The following UBR1 variants were observed in gnomAD, a reference collection of about 807,000 sequenced individuals.
UBR1 encodes the protein ubiquitin protein ligase E3 component n-recognin 1.
In UBR1, 102 loss-of-function variants were observed where a neutral mutation model predicts 242.1. The ratio of observed to expected loss-of-function variants is 0.42; its 90% CI spans 0.36 to 0.50. The LOEUF (loss-of-function observed/expected upper bound fraction) is 0.50, where lower values mean the gene tolerates loss of function less well. Among genes scored for constraint, UBR1 ranks in the 20% least tolerant of loss-of-function variants. UBR1 has a pLI of 0.01. For synonymous variants in UBR1, 675 were observed against 684.8 expected (o/e 0.99, Z 0.22); for missense variants, 1,772 against 2,101.8 (o/e 0.84, Z 3.07).
intron 16 of UBR1, 34 bp from the exon 17 acceptor site, chr15:43,037,917 C>T: frequency 6.3e-7 from 1 of 1,578,352 alleles, no homozygotes; most frequent in Non-Finnish European, 8.7e-7. Flanking sequence ...TATCATTTCT[C>T]ACAGAGCTTA....
At chr15:43,005,767 G>C (rs541670029) in intron 30 of UBR1, among the ~76,000 whole-genome samples, 8 of 151,886 alleles carry the variant, frequency 5.3e-5, no homozygotes, top group African/African-American at 1.9e-4. Flanking sequence ...GCCTTGGGAT[G>C]CTGTTAATCT....
chr15:43,090,942 A>T (rs925442201), intron 1 of UBR1, among the ~76,000 whole-genome samples: 148 of 152,120 alleles, frequency 9.7e-4, no homozygotes, highest in African/African-American at 3.5e-3. Context: ...TTATTTATTT[A>T]TTTTTATTTT....
At chr15:42,979,262 C>A (rs1365984631) in intron 37 of UBR1, among the ~76,000 whole-genome samples, 1 of 149,168 alleles carries the variant, frequency 6.7e-6, no homozygotes, top group African/African-American at 2.5e-5. Context: ...CAGGCTCGAA[C>A]TTCTGACCTC....
chr15:43,003,690 T>C (rs1270152263), intron 31 of UBR1, 147 bp downstream of exon 31: 2 of 804,318 alleles, frequency 2.5e-6, no homozygotes, highest in Non-Finnish European at 4.1e-6. Flanking sequence ...TAATAATTCA[T>C]GCAAACAGAA....
Position 42,944,777 on chromosome 15 carries a change from G to C in UBR1, c.*552C>G, listed in dbSNP as rs60683257. 5.9e-6 allele frequency: 1 copy of C among 168,522 alleles called. No individual in the cohort carries two copies. Among genetic ancestry groups the C allele is most frequent in the East Asian group, 1.7e-4 (1 of 5,828 alleles). The allele number at this position is 168,522 out of a possible 1,614,324, so 10.4% of individuals were successfully genotyped here. On this transcript the variant is annotated 3_prime_UTR_variant, in exon 47 of 47. Coordinates refer to ENST00000290650, the MANE Select transcript of UBR1 (RefSeq NM_174916.3). The stretch of plus-strand genomic sequence containing the variant: ...TCCACATAGAGATTGAGTTTAATTT[G>C]TGGTGATAGCAGCAGGTGGCACATT...
chr15:43,096,231 T>A (rs1053113102), intron 1 of UBR1, among the ~76,000 whole-genome samples: 4 of 151,452 alleles, frequency 2.6e-5, no homozygotes, highest in African/African-American at 7.3e-5. Flanking sequence ...TGGAGTGCAG[T>A]GGCACGATCT....
chr15:43,015,830 C>T lies in UBR1; in HGVS notation c.3067G>A (p.Ala1023Thr). 6.2e-7 allele frequency: 1 copy of T among 1,614,062 alleles called. No individual in the cohort carries two copies. Among genetic ancestry groups the T allele is most frequent in the Non-Finnish European group, 8.5e-7 (1 of 1,180,004 alleles). The change falls in exon 29 of 47, where the codon GCT becomes ACT. Residue 1023 changes from alanine to threonine, a missense_variant. By Grantham distance (58) the Ala-to-Thr change is moderately conservative. Transcript: ENST00000290650. ...DKEKAERKRK[A>T]EAARLHRQKI... ...TGGCGATGTAGCCTAGCAGCTTCAG[C>T]TTTTCTTTTTCGTTCTGCTTTTTCT...
intron 3 of UBR1, among the ~76,000 whole-genome samples, chr15:43,078,413 A>T (rs1367202535): frequency 6.6e-6 from 1 of 152,192 alleles, no homozygotes; most frequent in Non-Finnish European, 1.5e-5. Flanking sequence ...CAAAAAAAGA[A>T]ATTACACAGA....
At chr15:43,097,743 C>A (rs760839813) in intron 1 of UBR1, among the ~76,000 whole-genome samples, 2 of 152,202 alleles carry the variant, frequency 1.3e-5, no homozygotes, top group Non-Finnish European at 2.9e-5. Flanking sequence ...TCTCAGCCTT[C>A]GGAGAACTGA....
intron 41 of UBR1, 44 bp downstream of exon 41, chr15:42,966,109 A>C (rs368985107): frequency 9.0e-5 from 145 of 1,613,848 alleles, no homozygotes; most frequent in Non-Finnish European, 9.9e-5. Flanking sequence ...AAGAACAAAG[A>C]AAATCTCCCA....
intron 5 of UBR1, among the ~76,000 whole-genome samples, chr15:43,068,577 T>C (rs2033784414): frequency 6.6e-6 from 1 of 152,076 alleles, no homozygotes; most frequent in African/African-American, 2.4e-5. Context: ...CAATTTTTCA[T>C]ATTACTTTCA....
At chr15:43,036,139 T>A in intron 19 of UBR1, 39 bp downstream of exon 19, 1 of 1,460,334 alleles carries the variant, frequency 6.8e-7, no homozygotes, top group Non-Finnish European at 9.6e-7. Context: ...TAACAATATT[T>A]CCTTTAAAAT....
At chr15:43,098,753 G>A (rs2034190637) in intron 1 of UBR1, among the ~76,000 whole-genome samples, 1 of 151,976 alleles carries the variant, frequency 6.6e-6, no homozygotes, top group South Asian at 2.1e-4. Flanking sequence ...TATAGAATCT[G>A]GCATTAAAAA....
intron 1 of UBR1, among the ~76,000 whole-genome samples, chr15:43,089,207 T>C (rs1387344969): frequency 3.0e-5 from 4 of 133,654 alleles, no homozygotes; most frequent in Admixed American, 7.7e-5. Flanking sequence ...TTAAAAATGA[T>C]GCTGGCTGGG....
chr15:42,979,967 TTAAC>T (rs1567114400), intron 37 of UBR1, among the ~76,000 whole-genome samples: 1 of 152,224 alleles, frequency 6.6e-6, no homozygotes, highest in Non-Finnish European at 1.5e-5. Context: ...GGCTCTGACA[TTAAC>T]TAGCTATGTG....
At chr15:43,058,509 G>A in intron 9 of UBR1, 80 bp from the exon 10 acceptor site, 1 of 876,786 alleles carries the variant, frequency 1.1e-6, no homozygotes, top group South Asian at 1.5e-5. Context: ...CTATTAGAGT[G>A]GCAGAATATT....
intron 2 of UBR1, among the ~76,000 whole-genome samples, chr15:43,084,900 C>G (rs1004482563): frequency 1.3e-5 from 2 of 152,232 alleles, no homozygotes; most frequent in Non-Finnish European, 2.9e-5. Flanking sequence ...AAACTTTACA[C>G]TCCTAACCTA....
At chr15:43,086,394 T>G (rs1296989985) in intron 1 of UBR1, among the ~76,000 whole-genome samples, 154 bp from the exon 2 acceptor site, 1 of 142,844 alleles carries the variant, frequency 7.0e-6, no homozygotes, top group Non-Finnish European at 1.5e-5. Flanking sequence ...ATTAAAAAAA[T>G]TAAGCTTGGA....
At chr15:43,030,540 T>C (rs2033241938) in intron 20 of UBR1, among the ~76,000 whole-genome samples, 3 of 152,206 alleles carry the variant, frequency 2.0e-5, no homozygotes, top group African/African-American at 7.2e-5. Flanking sequence ...AAAAACACAA[T>C]ACTTTAAAAT....
Sources: allele counts gnomAD v4.1 joint callset (sites outside exome capture counted in the v4.1 genomes callset), GRCh38; gene constraint gnomAD v4.1.1; transcripts MANE v1.5; gene names NCBI Gene and HGNC (gene_info 2026-07-23, HGNC 2026-07-21).